ARHGEF9: variants seen among roughly 807,000 people sequenced by gnomAD.
ARHGEF9 encodes the protein rho guanine nucleotide exchange factor 9.
Under a neutral mutation model 41.3 loss-of-function variants are expected in ARHGEF9, and 2 were observed. That is an observed-to-expected ratio of 0.05 (90% CI 0.02 to 0.15). The LOEUF is 0.15. Among genes scored for constraint, ARHGEF9 ranks in the 10% least tolerant of loss-of-function variants. The pLI is 1.00. For synonymous variants in ARHGEF9, 160 were observed against 154.4 expected, an observed-to-expected ratio of 1.04 and a Z score of -0.27; for missense variants, 225 against 424.7, an observed-to-expected ratio of 0.53 and a Z score of 4.13.
chrX:63,768,951 C>A (rs1230225976), intron 1 of ARHGEF9, among the ~76,000 whole-genome samples: 1 of 111,298 alleles, frequency 9.0e-6, no homozygotes, highest in Non-Finnish European at 1.9e-5. Context: ...TGAAAACAAA[C>A]AAATACAGTA....
intron 4 of ARHGEF9, among the ~76,000 whole-genome samples, chrX:63,686,068 C>A (rs1302281345): frequency 9.0e-6 from 1 of 111,686 alleles, no homozygotes; most frequent in African/African-American, 3.3e-5. Flanking sequence ...CTGGCACTTG[C>A]ATATTTACCG....
intron 1 of ARHGEF9, among the ~76,000 whole-genome samples, chrX:63,758,954 A>G (rs138615376): frequency 9.5e-4 from 106 of 111,630 alleles, no homozygotes; most frequent in Admixed American, 1.6e-3. Context: ...ACAAACACCT[A>G]TTGGATGCAT....
chrX:63,725,304 G>T (rs1468841440), intron 1 of ARHGEF9, among the ~76,000 whole-genome samples: 2 of 111,478 alleles, frequency 1.8e-5, no homozygotes, highest in Non-Finnish European at 3.8e-5. Flanking sequence ...GGGTAGGAAA[G>T]AATATGGCTT....
At chrX:63,735,855 C>T (rs782253200) in intron 1 of ARHGEF9, among the ~76,000 whole-genome samples, 6 of 111,693 alleles carry the variant, frequency 5.4e-5, no homozygotes, top group Non-Finnish European at 1.1e-4. Context: ...TTAAACAGCC[C>T]ATCAAAAAGT....
intron 1 of ARHGEF9, among the ~76,000 whole-genome samples, chrX:63,771,599 T>A (rs1324663678): frequency 1.8e-5 from 2 of 110,618 alleles, no homozygotes; most frequent in South Asian, 4.0e-4. Context: ...CAGAGTCTCA[T>A]TCCATCATCC....
rs12558527 is a variant in ARHGEF9 at position 63,643,756 on chromosome X, C to T, written c.1390+224G>A. ...AGAGGAACAGAGGTTATATTTTTTG[C>T]TATACTCAATGAGCTATCTTTGGAT... On this transcript the variant is annotated intron_variant, in intron 9 of 9. Transcript: ENST00000671741. Among the ~76,000 whole-genome samples the T allele has an allele frequency of 0.059, 6,498 of 109,232 alleles. 200 individuals carry two copies. The highest frequency in any genetic ancestry group is 0.097 in the Non-Finnish European group (5,074 of 52,479). The allele number at this position is 109,232 out of a possible 115,157, so 94.9% of individuals were successfully genotyped here.
intron 2 of ARHGEF9, among the ~76,000 whole-genome samples, chrX:63,713,265 C>T (rs1448343662): frequency 9.0e-6 from 1 of 111,005 alleles, no homozygotes; most frequent in South Asian, 3.9e-4. Context: ...ACTCTCAGAG[C>T]TATAGAATCA....
intron 8 of ARHGEF9, among the ~76,000 whole-genome samples, chrX:63,649,169 A>C (rs1338905250): frequency 1.8e-5 from 2 of 111,484 alleles, no homozygotes; most frequent in Non-Finnish European, 3.8e-5. Flanking sequence ...CACCACACCT[A>C]TTCCAAAATT....
At chrX:63,680,137 T>C (rs2050524528) in intron 4 of ARHGEF9, among the ~76,000 whole-genome samples, 1 of 112,068 alleles carries the variant, frequency 8.9e-6, no homozygotes, top group South Asian at 3.7e-4. Flanking sequence ...GGAGAGGATG[T>C]CAGTAAGATG....
chrX:63,749,724 A>G (rs2055499134), intron 1 of ARHGEF9, among the ~76,000 whole-genome samples: 1 of 112,609 alleles, frequency 8.9e-6, no homozygotes, highest in Non-Finnish European at 1.9e-5. Context: ...AAAGGATGTG[A>G]AATTCCTTCA....
intron 2 of ARHGEF9, chrX:63,715,946 A>G (rs2053262929): frequency 8.9e-6 from 1 of 112,067 alleles, no homozygotes; most frequent in Non-Finnish European, 1.9e-5. Context: ...TGTATACTTT[A>G]AAATGATTGA....
intron 1 of ARHGEF9, chrX:63,725,881 C>T (rs2053932177): frequency 8.9e-6 from 1 of 112,516 alleles, no homozygotes; most frequent in South Asian, 3.7e-4. Flanking sequence ...TTGCTCAAGG[C>T]AATAATGGCT....
chrX:63,665,460 T>C (rs2049471393), intron 7 of ARHGEF9, among the ~76,000 whole-genome samples: 1 of 112,893 alleles, frequency 8.9e-6, no homozygotes. Flanking sequence ...TCCTCGTTGG[T>C]TCCCAGGGCA....
At chrX:63,759,277 A>G (rs1304401880) in intron 1 of ARHGEF9, among the ~76,000 whole-genome samples, 1 of 110,905 alleles carries the variant, frequency 9.0e-6, no homozygotes, top group Non-Finnish European at 1.9e-5. Context: ...ATTTTTTTTA[A>G]TGGAGTCCTC....
chrX:63,678,590 A>C lies in ARHGEF9; in HGVS notation c.583-18T>G, dbSNP rs1057521815. ...CCATCTTGCTGTGGGAAAAGAAAAAAAGGAAAGGAAAAGTCTACCAAGGAC... is the reference window on the plus strand; with the variant it reads ...CCATCTTGCTGTGGGAAAAGAAAAACAGGAAAGGAAAAGTCTACCAAGGAC... On this transcript the variant is annotated intron_variant, in intron 4 of 9. Coordinates refer to ENST00000671741, the MANE Select transcript of ARHGEF9 (RefSeq NM_001353921.2). The C allele has an allele frequency of 8.6e-5, 98 of 1,135,945 alleles. No individual in the cohort carries two copies. Among genetic ancestry groups the C allele is most frequent in the Non-Finnish European group, 1.1e-4 (96 of 838,971 alleles). The allele number at this position is 1,135,945 out of a possible 1,213,427, so 93.6% of individuals were successfully genotyped here.
intron 4 of ARHGEF9, among the ~76,000 whole-genome samples, chrX:63,686,720 C>T (rs1556375992): frequency 2.7e-5 from 3 of 110,972 alleles, no homozygotes; most frequent in Non-Finnish European, 5.7e-5. Flanking sequence ...CTTTACTCTC[C>T]TCCACAGAAA....
chrX:63,746,993 G>A (rs1413833016), intron 1 of ARHGEF9, among the ~76,000 whole-genome samples: 1 of 111,844 alleles, frequency 8.9e-6, no homozygotes, highest in African/African-American at 3.3e-5. Context: ...AGAAACCTAA[G>A]CCAAGTATAA....
At chrX:63,735,300 G>A (rs1450897253) in intron 1 of ARHGEF9, among the ~76,000 whole-genome samples, 1 of 111,149 alleles carries the variant, frequency 9.0e-6, no homozygotes, top group Non-Finnish European at 1.9e-5. Context: ...ACTACGACTT[G>A]AAGCCAGGCC....
intron 1 of ARHGEF9, among the ~76,000 whole-genome samples, chrX:63,730,001 T>C (rs782299068): frequency 1.1e-4 from 12 of 112,236 alleles, no homozygotes; most frequent in Non-Finnish European, 2.3e-4. Context: ...TCAGCTGTCA[T>C]GTGCCTTGAT....
Sources: allele counts gnomAD v4.1 joint callset (sites outside exome capture counted in the v4.1 genomes callset), GRCh38; gene constraint gnomAD v4.1.1; transcripts MANE v1.5; gene names NCBI Gene and HGNC (gene_info 2026-07-23, HGNC 2026-07-21).